LIPC: variants seen among roughly 807,000 people sequenced by gnomAD.
The protein encoded by LIPC is lipase C, hepatic type, also known as hepatic triacylglycerol lipase.
LIPC carries 44 observed loss-of-function variants against 50.7 expected under a neutral mutation model. The observed-to-expected ratio is 0.87, with a 90% CI of 0.68 to 1.11. The LOEUF is 1.11. LIPC is among the 50% of genes most tolerant of loss of function. The pLI is 0.00. For missense variants in LIPC, 697 were observed against 648.2 expected, an observed-to-expected ratio of 1.08 and a Z score of -0.82; for synonymous variants, 271 against 256.4, an observed-to-expected ratio of 1.06 and a Z score of -0.54.
At chr15:58,447,823 A>G (rs1245771504) in intron 1 of LIPC, among the ~76,000 whole-genome samples, 7 of 152,246 alleles carry the variant, frequency 4.6e-5, no homozygotes, top group Admixed American at 4.6e-4. Context: ...TAAAGGTCAC[A>G]AAACAACTTC....
chr15:58,530,480 T>G (rs34757519), intron 1 of LIPC, among the ~76,000 whole-genome samples: 48 of 152,348 alleles, frequency 3.2e-4, no homozygotes, highest in African/African-American at 1.2e-3. Flanking sequence ...ACAGAAGGCC[T>G]GCTGTGCAGC....
chr15:58,563,124 G>T (rs1302646462), intron 7 of LIPC, among the ~76,000 whole-genome samples: 1 of 152,144 alleles, frequency 6.6e-6, no homozygotes, highest in African/African-American at 2.4e-5. Context: ...AGTGCATGCT[G>T]CAGGCATACT....
chr15:58,548,516 C>T lies in LIPC; in HGVS notation c.995C>T (p.Pro332Leu), dbSNP rs372675212. 9 of 1,602,404 alleles carry T rather than the reference C, an allele frequency of 5.6e-6. No individual in the cohort carries two copies. Among genetic ancestry groups the T allele is most frequent in the Middle Eastern group, 1.7e-4 (1 of 5,960 alleles). Residue 332 changes from proline (P) to leucine (L), a missense_variant, in exon 6 of 9, where the codon CCG (proline) becomes CTG (leucine). Pro to Leu is a moderately conservative substitution (Grantham distance 98). Coordinates refer to ENST00000299022, the MANE Select transcript of LIPC (RefSeq NM_000236.3). ...CTGGGCTACCACGTCCGCCAGGAGCCGCGGAGCAAGAGCAAGAGGCTCTTC... is the reference window on the plus strand; with the variant it reads ...CTGGGCTACCACGTCCGCCAGGAGCTGCGGAGCAAGAGCAAGAGGCTCTTC... Reference protein sequence around the residue: ...NTLGYHVRQEPRSKSKRLFLV... With the variant: ...NTLGYHVRQELRSKSKRLFLV...
intron 1 of LIPC, among the ~76,000 whole-genome samples, chr15:58,470,669 G>A (rs866652616): frequency 2.0e-5 from 3 of 150,446 alleles, no homozygotes; most frequent in Middle Eastern, 3.2e-3. Context: ...GCGAGATCTC[G>A]GCTCACCGCA....
chr15:58,506,986 G>A (rs1026326448), intron 1 of LIPC, among the ~76,000 whole-genome samples: 16 of 152,196 alleles, frequency 1.1e-4, no homozygotes, highest in South Asian at 6.2e-4. Context: ...GCCCAGCGAA[G>A]GGGTAGGGGA....
chr15:58,563,085 T>C (rs755883891), intron 7 of LIPC, among the ~76,000 whole-genome samples: 15 of 152,176 alleles, frequency 9.9e-5, no homozygotes, highest in Non-Finnish European at 1.8e-4. Context: ...TTTCTATTTA[T>C]ATGGGGGGAG....
At chr15:58,519,880 C>A (rs1326193420) in intron 1 of LIPC, among the ~76,000 whole-genome samples, 2 of 152,124 alleles carry the variant, frequency 1.3e-5, no homozygotes, top group African/African-American at 4.8e-5. Context: ...CTTTACCTTT[C>A]CCCCGCTATT....
Position 58,489,257 on chromosome 15 carries a change from G to C in LIPC, c.89-49076G>C, listed in dbSNP as rs769645458. 4.4e-5 allele frequency among the ~76,000 whole-genome samples: 6 copies of C among 137,868 alleles called. 1 individual carries two copies. The highest frequency in any genetic ancestry group is 7.7e-5 in the Non-Finnish European group (5 of 65,160). 90.4% of individuals were successfully genotyped at this position (137,868 alleles called of 152,430 possible). On this transcript the variant is annotated intron_variant, in intron 1 of 8. Coordinates refer to ENST00000299022, the MANE Select transcript of LIPC (RefSeq NM_000236.3). Reference sequence around the variant, plus strand: ...GGCTTACAAGCTTCCCAGGGTTCAGGAGCACTCTATTAAATAGCTGTTGTA... The same window carrying C: ...GGCTTACAAGCTTCCCAGGGTTCAGCAGCACTCTATTAAATAGCTGTTGTA...
At chr15:58,566,584 T>A in intron 8 of LIPC, 1 of 453,452 alleles carries the variant, frequency 2.2e-6, no homozygotes, top group Non-Finnish European at 2.9e-6. Context: ...GGAAAAGAAG[T>A]AGGTTAAGTA....
rs1244755082 is a variant in LIPC, at chr15:58,557,803, C to A, written c.1052-3061C>A. Among the ~76,000 whole-genome samples, 4 of 152,278 alleles carry A rather than the reference C, an allele frequency of 2.6e-5. No homozygotes were observed. The East Asian group carries it at 7.7e-4, about 29-fold the overall frequency. On this transcript the variant is annotated intron_variant, in intron 6 of 8. Transcript: ENST00000299022. The stretch of plus-strand genomic sequence containing the variant: ...TTACTATGAGTGTTCCTTGAGAACT[C>A]TGGAAGGTACCCTGACTATTCATAA...
chr15:58,534,631 A>T (rs1440914108), intron 1 of LIPC, among the ~76,000 whole-genome samples: 3 of 152,148 alleles, frequency 2.0e-5, no homozygotes, highest in African/African-American at 7.2e-5. Flanking sequence ...TCAATAACAC[A>T]TAGGGAAACC....
At chr15:58,478,964 C>A (rs539345844) in intron 1 of LIPC, among the ~76,000 whole-genome samples, 2 of 152,242 alleles carry the variant, frequency 1.3e-5, no homozygotes, top group African/African-American at 4.8e-5. Flanking sequence ...CACATTCTGA[C>A]GGGCTCTAGG....
At chr15:58,519,271 C>A (rs1595915396) in intron 1 of LIPC, among the ~76,000 whole-genome samples, 1 of 151,812 alleles carries the variant, frequency 6.6e-6, no homozygotes, top group Non-Finnish European at 1.5e-5. Context: ...ATTAGCCGAG[C>A]GTGGTGGCAG....
intron 6 of LIPC, among the ~76,000 whole-genome samples, chr15:58,558,155 C>A (rs777986010): frequency 2.6e-4 from 40 of 152,126 alleles, no homozygotes; most frequent in South Asian, 1.5e-3. Flanking sequence ...TCACTGCAAC[C>A]TCTGCCTCCT....
intron 1 of LIPC, among the ~76,000 whole-genome samples, chr15:58,503,111 G>A (rs1038666850): frequency 3.9e-5 from 6 of 152,134 alleles, no homozygotes; most frequent in South Asian, 4.1e-4. Flanking sequence ...GACAATAAAT[G>A]ATTATTATGG....
chr15:58,524,036 C>T (rs1354560114), intron 1 of LIPC, among the ~76,000 whole-genome samples: 1 of 151,952 alleles, frequency 6.6e-6, no homozygotes, highest in African/African-American at 2.4e-5. Flanking sequence ...CAAAATCTCA[C>T]CCCCATCCCA....
chr15:58,545,609 G>C, intron 4 of LIPC, 133 bp from the exon 5 acceptor site: 1 of 746,154 alleles, frequency 1.3e-6, no homozygotes, highest in African/African-American at 1.7e-5. Flanking sequence ...AGGTTTTCTA[G>C]GGAAGGATCA....
At chr15:58,565,429 C>A (rs867729837) in intron 8 of LIPC, 1 of 1,429,320 alleles carries the variant, frequency 7.0e-7, no homozygotes, top group Non-Finnish European at 9.1e-7. Context: ...CCATGTGGTA[C>A]GGAAGAAGAA....
At chr15:58,475,711 G>T (rs114604477) in intron 1 of LIPC, among the ~76,000 whole-genome samples, 2,383 of 152,314 alleles carry the variant, frequency 0.016, 61 homozygotes, top group African/African-American at 0.053. Flanking sequence ...CTTGTGCAAT[G>T]AATGGATTTG....
Sources: gnomAD v4.1 joint callset for allele counts (sites outside exome capture counted in the v4.1 genomes callset) on GRCh38, gnomAD v4.1.1 for gene constraint, MANE v1.5 for transcripts, NCBI Gene and HGNC (gene_info 2026-07-23, HGNC 2026-07-21) for gene names.